ITPR2: variants seen among roughly 807,000 people sequenced by gnomAD.
The protein encoded by ITPR2 is inositol 1,4,5-trisphosphate-gated calcium channel ITPR2.
ITPR2 carries 207 observed loss-of-function variants against 317.1 expected under a neutral mutation model. That is an observed-to-expected ratio of 0.65 (90% confidence interval 0.58 to 0.73). ITPR2 has a LOEUF of 0.73. Ranked by LOEUF, ITPR2 falls within the 30% of genes least tolerant of loss-of-function variation. The probability of loss-of-function intolerance (pLI) is 0.00; values close to 1 mark genes in which losing one functional copy is unlikely to be tolerated. For missense variants in ITPR2, 2,613 were observed against 3,284.0 expected, an observed-to-expected ratio of 0.80 and a Z score of 4.99; for synonymous variants, 1,156 against 1,149.1, an observed-to-expected ratio of 1.01 and a Z score of -0.12.
At chr12:26,653,092 C>T (rs1206833439) in intron 21 of ITPR2, among the ~76,000 whole-genome samples, 1 of 152,114 alleles carries the variant, frequency 6.6e-6, no homozygotes, top group Non-Finnish European at 1.5e-5. Context: ...AGACAAGTAC[C>T]TTATAAATGG....
intron 51 of ITPR2, among the ~76,000 whole-genome samples, chr12:26,414,088 A>ACACACACAC (rs1940645837): frequency 1.2e-4 from 9 of 72,642 alleles, no homozygotes; most frequent in South Asian, 7.9e-4. Context: ...CACACACACA[A>ACACACACAC]ACACAAGTCC....
Position 26,568,012 on chromosome 12 carries a change from AT to A in ITPR2, c.4631-6061del, listed in dbSNP as rs1383627022. Among the ~76,000 whole-genome samples the A allele has an allele frequency of 0.015, 121 of 8,096 alleles. 16 individuals are homozygous for A. In the South Asian group the frequency reaches 0.32, roughly 22 times the overall value. The allele number at this position is 8,096 out of a possible 152,430, so 5.3% of individuals were successfully genotyped here. A position where few individuals can be genotyped will look rare whatever the true frequency, so the allele number is the denominator to read the frequency against. The stretch of plus-strand genomic sequence containing the variant: ...TATATATATATTATATATATTATAT[AT>A]ATATATATATATATATATAAAATGT... On this transcript the variant is annotated intron_variant, in intron 34 of 56. Transcript: ENST00000381340.
chr12:26,778,180 C>T (rs1279666529), intron 2 of ITPR2, among the ~76,000 whole-genome samples: 2 of 152,202 alleles, frequency 1.3e-5, no homozygotes, highest in Non-Finnish European at 2.9e-5. Flanking sequence ...GTGAGGACTA[C>T]TGTGGTGGGA....
chr12:26,593,593 C>G (rs533351538), intron 32 of ITPR2, among the ~76,000 whole-genome samples: 1 of 152,086 alleles, frequency 6.6e-6, no homozygotes, highest in Admixed American at 6.5e-5. Context: ...TTTTAAAAAC[C>G]TTTTTGCAGT....
intron 13 of ITPR2, among the ~76,000 whole-genome samples, chr12:26,680,245 T>C (rs1948003626): frequency 6.6e-6 from 1 of 152,098 alleles, no homozygotes; most frequent in Non-Finnish European, 1.5e-5. Flanking sequence ...AATTTTAAAT[T>C]TCATATCAGT....
At chr12:26,390,672 G>A (rs984808241) in intron 54 of ITPR2, among the ~76,000 whole-genome samples, 2 of 152,138 alleles carry the variant, frequency 1.3e-5, no homozygotes, top group African/African-American at 4.8e-5. Context: ...TATGGTGATG[G>A]ATGCACAACT....
intron 9 of ITPR2, among the ~76,000 whole-genome samples, chr12:26,696,738 T>C (rs190679117): frequency 2.6e-5 from 4 of 152,292 alleles, no homozygotes; most frequent in African/African-American, 9.6e-5. Flanking sequence ...TTTAAGCTAG[T>C]GGCCACGTAA....
At chr12:26,536,229 T>C (rs1184665229) in intron 37 of ITPR2, among the ~76,000 whole-genome samples, 2 of 152,184 alleles carry the variant, frequency 1.3e-5, no homozygotes, top group Non-Finnish European at 2.9e-5. Context: ...AATAACTCAA[T>C]CTGTCAAGAT....
chr12:26,360,338 A>G (rs568735482), intron 55 of ITPR2, among the ~76,000 whole-genome samples: 1 of 152,246 alleles, frequency 6.6e-6, no homozygotes, highest in Admixed American at 6.5e-5. Flanking sequence ...TCTCGCTCCT[A>G]TTCTGGCCTT....
intron 2 of ITPR2, among the ~76,000 whole-genome samples, chr12:26,741,548 GA>G (rs201520022): frequency 1.6e-4 from 23 of 148,010 alleles, no homozygotes; most frequent in Middle Eastern, 3.5e-3. Context: ...AGTTTTGTTT[GA>G]AAAAAAAAAG....
In ITPR2 at chr12:26,599,281, C is replaced by T. The variant is rs761297981; in HGVS notation, c.3866G>A (p.Ser1289Asn). Residue 1289 changes from serine to asparagine, a missense_variant, in exon 30 of 57, where the codon AGC becomes AAC. Ser to Asn is a conservative substitution (Grantham distance 46). This residue lies in a region of ITPR2 where 817 missense variants were observed against 897.6 expected (regional missense o/e 0.91). Coordinates refer to ENST00000381340, the MANE Select transcript of ITPR2 (RefSeq NM_002223.4). Reference protein sequence around the residue: ...MNNYHLCNEISERVVQHFVHC... With the variant: ...MNNYHLCNEINERVVQHFVHC... ...CACAAAGTGTTGTACAACTCTCTCG[C>T]TAATTTCGTTGCACAGATGGTAATT... 6.2e-7 allele frequency: 1 copy of T among 1,614,086 alleles called. No individual in the cohort carries two copies. The highest frequency in any genetic ancestry group is 1.1e-5 in the South Asian group (1 of 91,078).
At chr12:26,702,405 G>C (rs1223974955) in intron 9 of ITPR2, among the ~76,000 whole-genome samples, 5 of 112,510 alleles carry the variant, frequency 4.4e-5, no homozygotes, top group African/African-American at 1.0e-4. Context: ...TTGGGGGCGG[G>C]GGTGGGGGGT....
chr12:26,387,412 T>C, intron 55 of ITPR2, 22 bp downstream of exon 55: 1 of 1,610,436 alleles, frequency 6.2e-7, no homozygotes, highest in Non-Finnish European at 8.5e-7. Context: ...TAGTCACAAA[T>C]TAAAACCTTC....
intron 55 of ITPR2, among the ~76,000 whole-genome samples, chr12:26,353,176 GT>G (rs910940851): frequency 2.0e-5 from 3 of 152,154 alleles, no homozygotes; most frequent in African/African-American, 7.2e-5. Context: ...CTTTGAACAT[GT>G]TACCATTGGA....
At chr12:26,672,821 AAAG>A (rs1947815031) in intron 13 of ITPR2, among the ~76,000 whole-genome samples, 1 of 151,998 alleles carries the variant, frequency 6.6e-6, no homozygotes, top group Non-Finnish European at 1.5e-5. Flanking sequence ...ATAAAGAAAA[AAAG>A]AGAGAAGAAT....
Position 26,337,167 on chromosome 12 carries a change from G to A in ITPR2, c.*2230C>T, listed in dbSNP as rs1176434407. On this transcript the variant is annotated 3_prime_UTR_variant, in exon 57 of 57. Coordinates refer to ENST00000381340, the MANE Select transcript of ITPR2 (RefSeq NM_002223.4). ...TGATCTGCCACTACAAAGTGGTTGGGGACATTAGGTCATTTCTAGAAAGCA... is the reference window on the plus strand; with the variant it reads ...TGATCTGCCACTACAAAGTGGTTGGAGACATTAGGTCATTTCTAGAAAGCA... 1 of 151,874 alleles carries A rather than the reference G, an allele frequency of 6.6e-6. No individual in the cohort carries two copies. The highest frequency in any genetic ancestry group is 1.5e-5 in the Non-Finnish European group (1 of 67,978). 9.4% of individuals were successfully genotyped at this position (151,874 alleles called of 1,614,324 possible).
chr12:26,659,003 GT>G, intron 16 of ITPR2, 109 bp downstream of exon 16: 1 of 762,672 alleles, frequency 1.3e-6, no homozygotes, highest in Non-Finnish European at 2.1e-6. Flanking sequence ...AACATAGTTC[GT>G]CCATAAAAGT....
At chr12:26,526,572 AG>A (rs1458864738) in intron 37 of ITPR2, among the ~76,000 whole-genome samples, 1 of 152,224 alleles carries the variant, frequency 6.6e-6, no homozygotes, top group Non-Finnish European at 1.5e-5. Flanking sequence ...AAAACATCAA[AG>A]GGTTTTTAAA....
At chr12:26,641,406 T>A (rs557598763) in intron 21 of ITPR2, among the ~76,000 whole-genome samples, 22 of 150,440 alleles carry the variant, frequency 1.5e-4, no homozygotes, top group Non-Finnish European at 3.0e-4. Flanking sequence ...AAGAAAGCAA[T>A]AAAATAATAA....
Sources: allele counts gnomAD v4.1 joint callset (sites outside exome capture counted in the v4.1 genomes callset), GRCh38; gene constraint gnomAD v4.1.1; regional missense constraint gnomAD v4.1.1; transcripts MANE v1.5; gene names NCBI Gene and HGNC (gene_info 2026-07-23, HGNC 2026-07-21).